Variants in BACH2 observed in about 807,000 individuals in gnomAD.
BACH2 encodes BACH transcriptional regulator 2, also known as transcription regulator protein BACH2.
A neutral mutation model predicts 61.8 loss-of-function variants in BACH2; 5 were observed. The ratio of observed to expected loss-of-function variants is 0.08; its 90% confidence interval spans 0.04 to 0.17. BACH2 has a LOEUF of 0.17. Among genes scored for constraint, BACH2 ranks in the 10% least tolerant of loss-of-function variants. BACH2 has a pLI of 1.00. For missense variants in BACH2, 824 were observed against 1,091.1 expected (o/e 0.76, Z 3.45); for synonymous variants, 446 against 440.1 (o/e 1.01, Z -0.17).
At chr6:90,182,009 A>C (rs902092145) in intron 4 of BACH2, among the ~76,000 whole-genome samples, 3 of 152,062 alleles carry the variant, frequency 2.0e-5, no homozygotes. Context: ...GGAGTTCCTG[A>C]CCATTATTCG....
intron 1 of BACH2, among the ~76,000 whole-genome samples, chr6:90,294,879 G>A (rs1349955214): frequency 1.3e-5 from 2 of 152,200 alleles, no homozygotes; most frequent in Admixed American, 6.5e-5. Flanking sequence ...ACCGTTATCA[G>A]CGTTAACATC....
intron 5 of BACH2, among the ~76,000 whole-genome samples, chr6:90,034,087 G>T (rs905202702): frequency 6.6e-6 from 1 of 152,156 alleles, no homozygotes; most frequent in African/African-American, 2.4e-5. Flanking sequence ...ATCAAAGGCT[G>T]AAGGAAATGG....
intron 4 of BACH2, among the ~76,000 whole-genome samples, chr6:90,121,635 C>T (rs972435309): frequency 1.6e-4 from 24 of 152,080 alleles, no homozygotes; most frequent in African/African-American, 4.8e-4. Flanking sequence ...CTCCACCTTC[C>T]GGGCTCAAGC....
intron 8 of BACH2, among the ~76,000 whole-genome samples, chr6:89,933,762 G>A (rs1371828094): frequency 6.6e-6 from 1 of 152,144 alleles, no homozygotes; most frequent in East Asian, 1.9e-4. Context: ...AAGTTGTGCG[G>A]ATCGCTTGAG....
intron 4 of BACH2, among the ~76,000 whole-genome samples, chr6:90,154,878 G>C (rs1156741170): frequency 1.3e-5 from 2 of 152,088 alleles, no homozygotes; most frequent in Non-Finnish European, 2.9e-5. Context: ...CAGACAATGG[G>C]ATAACCCACA....
At chr6:90,275,078 G>C (rs574722510) in intron 1 of BACH2, among the ~76,000 whole-genome samples, 3 of 152,338 alleles carry the variant, frequency 2.0e-5, no homozygotes, top group South Asian at 4.1e-4. Flanking sequence ...AAAGGAAAAG[G>C]CTGGATTTTG....
intron 2 of BACH2, among the ~76,000 whole-genome samples, chr6:90,255,654 A>G (rs1440174177): frequency 1.3e-5 from 2 of 152,250 alleles, no homozygotes; most frequent in African/African-American, 4.8e-5. Context: ...AAAAAATGTA[A>G]TGAGCATTGC....
chr6:90,021,299 T>TAAAAAAAAAAAAAAAAAAACA (rs200724602), intron 5 of BACH2, among the ~76,000 whole-genome samples: 1 of 100,240 alleles, frequency 1.0e-5, no homozygotes, highest in Non-Finnish European at 2.3e-5. Flanking sequence ...AGCAAAAAAG[T>TAAAAAAAAAAAAAAAAAAACA]AAAAAAAAAA....
At chr6:90,005,499 G>A (rs1777360559) in intron 6 of BACH2, among the ~76,000 whole-genome samples, 1 of 152,212 alleles carries the variant, frequency 6.6e-6, no homozygotes, top group Non-Finnish European at 1.5e-5. Flanking sequence ...TAGAATGTCT[G>A]CTTATTTACC....
rs530526552 is a variant in BACH2 at position 90,262,342 on chromosome 6, C to T, written c.-353+9507G>A. On this transcript the variant is annotated intron_variant, in intron 2 of 8. Transcript: ENST00000257749. ...ATGTTTGGTTTGGGATTCATTTGTA[C>T]AGCGATGACTTTTACAGACCAATTC... is the stretch of plus-strand genomic sequence containing the variant. Among the ~76,000 whole-genome samples the T allele has an allele frequency of 4.6e-5, 7 of 152,282 alleles. No homozygotes were observed. The South Asian group carries it at 1.5e-3, about 32-fold the overall frequency.
At chr6:90,044,070 T>C (rs1309341325) in intron 5 of BACH2, among the ~76,000 whole-genome samples, 1 of 152,186 alleles carries the variant, frequency 6.6e-6, no homozygotes, top group Non-Finnish European at 1.5e-5. Context: ...CCTGAGGATA[T>C]AGCAATGAAC....
intron 4 of BACH2, among the ~76,000 whole-genome samples, chr6:90,193,842 C>G (rs1768660308): frequency 6.6e-6 from 1 of 152,112 alleles, no homozygotes; most frequent in Non-Finnish European, 1.5e-5. Context: ...AAACATGGAC[C>G]TATCACATAT....
At chr6:89,982,045 A>C (rs1775986278) in intron 6 of BACH2, among the ~76,000 whole-genome samples, 1 of 151,884 alleles carries the variant, frequency 6.6e-6, no homozygotes, top group Non-Finnish European at 1.5e-5. Flanking sequence ...ACCACTGCTC[A>C]CTGCAGCCTT....
chr6:90,001,836 A>T (rs1240295203), intron 6 of BACH2, among the ~76,000 whole-genome samples: 3 of 152,194 alleles, frequency 2.0e-5, no homozygotes, highest in African/African-American at 7.2e-5. Context: ...GAGCAATGGT[A>T]ATCTTCACCA....
chr6:90,067,101 A>G (rs1781002242), intron 5 of BACH2, among the ~76,000 whole-genome samples: 2 of 152,254 alleles, frequency 1.3e-5, no homozygotes, highest in Admixed American at 6.5e-5. Context: ...GGGCAGAGAA[A>G]GAAAAATCAC....
chr6:90,060,361 C>T (rs905646907), intron 5 of BACH2, among the ~76,000 whole-genome samples: 1 of 152,116 alleles, frequency 6.6e-6, no homozygotes, highest in Non-Finnish European at 1.5e-5. Context: ...TGTCTGTGCT[C>T]CATTGCATGA....
intron 6 of BACH2, among the ~76,000 whole-genome samples, chr6:89,976,789 A>G (rs1289741587): frequency 1.3e-5 from 2 of 152,238 alleles, no homozygotes; most frequent in Non-Finnish European, 2.9e-5. Flanking sequence ...CCCAAAGGCA[A>G]TAACAGATTT....
intron 2 of BACH2, among the ~76,000 whole-genome samples, chr6:90,261,781 CACTTATAT>C (rs1176935162): frequency 2.0e-5 from 3 of 152,102 alleles, no homozygotes; most frequent in South Asian, 2.1e-4. Context: ...TCTAATTGAG[CACTTATAT>C]ACTTATATAC....
intron 1 of BACH2, among the ~76,000 whole-genome samples, chr6:90,280,789 T>A (rs182313654): frequency 6.6e-6 from 1 of 152,230 alleles, no homozygotes; most frequent in Admixed American, 6.5e-5. Context: ...TGCTTGGGCA[T>A]CTCCAGTATC....
Sources: gnomAD v4.1 joint callset for allele counts (sites outside exome capture counted in the v4.1 genomes callset) on GRCh38, gnomAD v4.1.1 for gene constraint, MANE v1.5 for transcripts, NCBI Gene and HGNC (gene_info 2026-07-23, HGNC 2026-07-21) for gene names.